The following CADM1 variants were observed in gnomAD, a reference collection of about 807,000 sequenced individuals.
CADM1 encodes the protein TSLC-1.
CADM1 carries 15 observed loss-of-function variants against 53.1 expected under a neutral mutation model. The ratio of observed to expected loss-of-function variants is 0.28; its 90% CI spans 0.19 to 0.44. CADM1 has a LOEUF of 0.44. Ranked by LOEUF, CADM1 falls within the 20% of genes least tolerant of loss-of-function variation. The pLI is 1.00. For missense variants in CADM1, 434 were observed against 611.3 expected (o/e 0.71, Z 3.06); for synonymous variants, 281 against 243.0 (o/e 1.16, Z -1.45).
In CADM1 at chr11:115,354,912, T is replaced by C. The variant is rs1016393613; in HGVS notation, c.125-114492A>G. On this transcript the variant is annotated intron_variant, in intron 1 of 11. Transcript: ENST00000331581. ...TCATTTCATTCATCCCAATACATTATAGAAAGAATTTCCCTAAACATCTCT... is the reference window on the plus strand; with the variant it reads ...TCATTTCATTCATCCCAATACATTACAGAAAGAATTTCCCTAAACATCTCT... Among the ~76,000 whole-genome samples, 7 of 152,264 alleles carry C rather than the reference T, an allele frequency of 4.6e-5. 1 individual carries two copies. Among genetic ancestry groups the C allele is most frequent in the South Asian group, 4.1e-4 (2 of 4,822 alleles).
chr11:115,284,114 CTGTGTGTGTGTGTGTGTGTGTG>C (rs751286330), intron 1 of CADM1, among the ~76,000 whole-genome samples: 1 of 98,616 alleles, frequency 1.0e-5, no homozygotes, highest in Non-Finnish European at 2.1e-5. Flanking sequence ...CTCTCTCTCT[CTGTGTGTGTGTGTGTGTGTGTG>C]TGTGTGTGTG....
rs1938972831 is a variant in CADM1, at chr11:115,175,278, TCA to T, written c.*1194_*1195del. The T allele has an allele frequency of 1.0e-6, 1 of 985,442 alleles. No individual in the cohort carries two copies. The highest frequency in any genetic ancestry group is 1.8e-5 in the African/African-American group (1 of 57,120). 61.0% of individuals were successfully genotyped at this position (985,442 alleles called of 1,614,324 possible). On this transcript the variant is annotated 3_prime_UTR_variant, in exon 12 of 12. Transcript: ENST00000331581. ...AGCCAAATCTGAAGGAATGAAAGTTTCACACAGATTCGAGTTGGAAATCCCAG... is the reference window on the plus strand; with the variant it reads ...AGCCAAATCTGAAGGAATGAAAGTTTCACAGATTCGAGTTGGAAATCCCAG...
chr11:115,334,499 G>A (rs761195311), intron 1 of CADM1, among the ~76,000 whole-genome samples: 5 of 151,384 alleles, frequency 3.3e-5, no homozygotes, highest in Non-Finnish European at 7.4e-5. Flanking sequence ...GTGATGGAGA[G>A]ACCACATTCA....
intron 1 of CADM1, among the ~76,000 whole-genome samples, chr11:115,263,964 C>A (rs1943052096): frequency 6.6e-6 from 1 of 152,086 alleles, no homozygotes; most frequent in African/African-American, 2.4e-5. Flanking sequence ...TCCAGTGTGA[C>A]AGTTTACATT....
intron 1 of CADM1, among the ~76,000 whole-genome samples, chr11:115,359,536 G>C (rs1354468481): frequency 6.6e-6 from 1 of 151,996 alleles, no homozygotes; most frequent in Non-Finnish European, 1.5e-5. Flanking sequence ...TTAGAGAAAT[G>C]GGTCCCACCG....
rs1938803497 is a variant in CADM1 at position 115,171,929 on chromosome 11, T to C, written c.*4545A>G. On this transcript the variant is annotated 3_prime_UTR_variant, in exon 12 of 12. Transcript: ENST00000331581. ...CTCCCTCTGAGTAGTGACCGCTTCT[T>C]CGTAGCCCTGGGTAACCTTCTATCG... is the stretch of plus-strand genomic sequence containing the variant. 6.6e-6 allele frequency: 1 copy of C among 152,274 alleles called. No individual in the cohort carries two copies. Among genetic ancestry groups the C allele is most frequent in the Non-Finnish European group, 1.5e-5 (1 of 68,060 alleles). 9.4% of individuals were successfully genotyped at this position (152,274 alleles called of 1,614,324 possible). A position where few individuals can be genotyped will look rare whatever the true frequency, so the allele number is the denominator to read the frequency against.
intron 4 of CADM1, among the ~76,000 whole-genome samples, chr11:115,230,540 C>T (rs796714630): frequency 1.3e-5 from 2 of 152,090 alleles, no homozygotes; most frequent in Non-Finnish European, 2.9e-5. Flanking sequence ...GAAATACATG[C>T]GGAATTTAAG....
intron 1 of CADM1, chr11:115,256,939 C>T: frequency 2.2e-6 from 1 of 455,388 alleles, no homozygotes; most frequent in South Asian, 1.6e-5. Context: ...GAATTTTGGT[C>T]TCTTAAAAAA....
Position 115,209,659 on chromosome 11 carries a change from T to C in CADM1, c.995-2A>G. 1 of 1,611,890 alleles carries C rather than the reference T, an allele frequency of 6.2e-7. No homozygotes were observed. The highest frequency in any genetic ancestry group is 8.5e-7 in the Non-Finnish European group (1 of 1,179,376). On this transcript the variant is annotated splice_acceptor_variant, in intron 7 of 11. Coordinates refer to ENST00000331581, the MANE Select transcript of CADM1 (RefSeq NM_001301043.2). LOFTEE classifies it high-confidence loss of function. ...GAGGAGGGATAGTTGTGGGGGGATC[T>C]GGATAGAAAAAAAAAGGAAAATCAA...
intron 7 of CADM1, among the ~76,000 whole-genome samples, chr11:115,211,654 ATT>A (rs368847838): frequency 1.1e-4 from 14 of 128,932 alleles, no homozygotes; most frequent in Admixed American, 3.0e-4. Flanking sequence ...TAATTTTTGT[ATT>A]TTTTTTTTTT....
intron 1 of CADM1, among the ~76,000 whole-genome samples, chr11:115,254,844 G>A (rs561507628): frequency 2.0e-5 from 3 of 152,290 alleles, no homozygotes; most frequent in African/African-American, 7.2e-5. Flanking sequence ...TTGCATGCCA[G>A]GCTAGGGAAT....
chr11:115,383,327 C>T (rs922563130), intron 1 of CADM1, among the ~76,000 whole-genome samples: 1 of 152,180 alleles, frequency 6.6e-6, no homozygotes, highest in African/African-American at 2.4e-5. Context: ...AAAGGAAATA[C>T]ATAAAACAGA....
chr11:115,502,327 CTTTTTTTTTTTTTTTT>C (rs11358670), intron 1 of CADM1, among the ~76,000 whole-genome samples: 2 of 52,350 alleles, frequency 3.8e-5, no homozygotes, highest in Non-Finnish European at 3.3e-5. Flanking sequence ...CGCCCCCCGG[CTTTTTTTTTTTTTTTT>C]TTTTTTTTTT....
chr11:115,209,709 G>A (rs1940864360), intron 7 of CADM1, 52 bp from the exon 8 acceptor site: 8 of 1,600,834 alleles, frequency 5.0e-6, no homozygotes, highest in African/African-American at 1.3e-5. Context: ...ACACAACAAT[G>A]ACCAGTAATG....
chr11:115,369,359 T>C (rs1333327892), intron 1 of CADM1, among the ~76,000 whole-genome samples: 1 of 152,160 alleles, frequency 6.6e-6, no homozygotes, highest in Non-Finnish European at 1.5e-5. Flanking sequence ...TAGGATTCTA[T>C]GGGAGTGGTT....
chr11:115,240,092 C>T (rs113805163), intron 2 of CADM1, among the ~76,000 whole-genome samples, 182 bp downstream of exon 2: 9 of 152,192 alleles, frequency 5.9e-5, no homozygotes, highest in Middle Eastern at 3.4e-3. Context: ...TTAAAAGGGG[C>T]CATTCAAGGT....
chr11:115,362,212 T>C (rs1384172772), intron 1 of CADM1, among the ~76,000 whole-genome samples: 3 of 152,154 alleles, frequency 2.0e-5, no homozygotes, highest in Non-Finnish European at 2.9e-5. Flanking sequence ...CTACAGAATA[T>C]TGATGAGGCA....
At chr11:115,448,377 A>C (rs220839) in intron 1 of CADM1, among the ~76,000 whole-genome samples, 132,673 of 152,104 alleles carry the variant, frequency 0.87, 58,133 homozygotes, top group East Asian at 0.99. Context: ...CTGCCTCAGA[A>C]TTAACTGTCT....
In CADM1 at chr11:115,453,049, C is replaced by T. The variant is rs183052770; in HGVS notation, c.124+51222G>A. On this transcript the variant is annotated intron_variant, in intron 1 of 11. Coordinates refer to ENST00000331581, the MANE Select transcript of CADM1 (RefSeq NM_001301043.2). ...AGATAAAATTACATTACTAGTTAGT[C>T]TAGGTGTGATAGAAACATTCTGGCC... is the stretch of plus-strand genomic sequence containing the variant. 2.4e-3 allele frequency among the ~76,000 whole-genome samples: 368 copies of T among 152,086 alleles called. 1 individual carries two copies. The highest frequency in any genetic ancestry group is 8.6e-3 in the African/African-American group (356 of 41,496).
Sources: allele counts gnomAD v4.1 joint callset (sites outside exome capture counted in the v4.1 genomes callset), GRCh38; gene constraint gnomAD v4.1.1; transcripts MANE v1.5; gene names NCBI Gene and HGNC (gene_info 2026-07-23, HGNC 2026-07-21).